The following GALNT2 variants were observed in gnomAD, a reference collection of about 807,000 sequenced individuals.
GALNT2 encodes UDP-GalNAc:polypeptide N-acetylgalactosaminyltransferase 2.
A neutral mutation model predicts 81.4 loss-of-function variants in GALNT2; 31 were observed. The ratio of observed to expected loss-of-function variants is 0.38; its 90% CI spans 0.29 to 0.51. The LOEUF (loss-of-function observed/expected upper bound fraction) is 0.51, where lower values mean the gene tolerates loss of function less well. Among genes scored for constraint, GALNT2 ranks in the 20% least tolerant of loss-of-function variants. The pLI, the probability that GALNT2 is intolerant of heterozygous loss-of-function variation, is 0.87. For missense variants in GALNT2, 629 were observed against 765.7 expected (o/e 0.82, Z 2.11); for synonymous variants, 303 against 287.4 (o/e 1.05, Z -0.55).
At chr1:230,134,868 T>A (rs1661487311) in intron 1 of GALNT2, among the ~76,000 whole-genome samples, 1 of 152,210 alleles carries the variant, frequency 6.6e-6, no homozygotes, top group Non-Finnish European at 1.5e-5. Context: ...CCAGTCTTGG[T>A]GCTACCACTT....
chr1:230,073,850 G>C (rs1240608440), intron 1 of GALNT2, among the ~76,000 whole-genome samples: 1 of 152,152 alleles, frequency 6.6e-6, no homozygotes, highest in African/African-American at 2.4e-5. Context: ...CAGCCTTCCA[G>C]GAGCTCCCCA....
intron 1 of GALNT2, among the ~76,000 whole-genome samples, chr1:230,083,038 G>A (rs1369671412): frequency 6.6e-6 from 1 of 151,870 alleles, no homozygotes; most frequent in Non-Finnish European, 1.5e-5. Context: ...GGATGATGGA[G>A]GAGGGAAGCT....
In GALNT2 at chr1:230,274,584, G is replaced by A. The variant is rs374194116; in HGVS notation, c.1560+20G>A. 3.3e-4 allele frequency: 535 copies of A among 1,612,800 alleles called. 4 individuals carry two copies. In the South Asian group the frequency reaches 3.4e-3, roughly 10 times the overall value. ...AGACAGGTACGGCTTGCAGGCACCC[G>A]TGGGTGCCCGTGATTAACCCAGACC... On this transcript the variant is annotated intron_variant, in intron 15 of 15. Transcript: ENST00000366672.
intron 3 of GALNT2, among the ~76,000 whole-genome samples, chr1:230,208,309 G>A (rs903579589): frequency 6.6e-6 from 1 of 152,164 alleles, no homozygotes; most frequent in African/African-American, 2.4e-5. Context: ...CTAATGGACT[G>A]GAGGGGGGTA....
At chr1:230,112,432 C>G (rs2102791274) in intron 1 of GALNT2, among the ~76,000 whole-genome samples, 1 of 151,820 alleles carries the variant, frequency 6.6e-6, no homozygotes, top group East Asian at 2.0e-4. Flanking sequence ...GTAGCTTGTT[C>G]CTGTTTTCAT....
chr1:230,205,678 G>C (rs912623955), intron 3 of GALNT2, among the ~76,000 whole-genome samples: 2 of 152,174 alleles, frequency 1.3e-5, no homozygotes, highest in African/African-American at 2.4e-5. Context: ...GGCCGAAGCT[G>C]TGTGCAAGAT....
chr1:230,088,722 A>G (rs1659970673), intron 1 of GALNT2, among the ~76,000 whole-genome samples: 1 of 151,974 alleles, frequency 6.6e-6, no homozygotes, highest in Non-Finnish European at 1.5e-5. Context: ...TAGTTTTAGT[A>G]CAGACGGGGT....
At position 230,271,845 on chromosome 1, in the gene GALNT2, A is replaced by T. The variant is rs1666169105; in HGVS notation, c.1441-2600A>T. Among the ~76,000 whole-genome samples the T allele has an allele frequency of 6.6e-6, 1 of 152,206 alleles. No homozygotes were observed. The highest frequency in any genetic ancestry group is 6.5e-5 in the Admixed American group (1 of 15,278). ...GTGCAAGGACTTTGACGGAGGCCTCATCACATGGGCATGATCTCCAGCTCC... is the reference window on the plus strand; with the variant it reads ...GTGCAAGGACTTTGACGGAGGCCTCTTCACATGGGCATGATCTCCAGCTCC... On this transcript the variant is annotated intron_variant, in intron 14 of 15. Coordinates refer to ENST00000366672, the MANE Select transcript of GALNT2 (RefSeq NM_004481.5). The surrounding 1 kb of genome is among the most constrained non-coding windows in gnomAD (Gnocchi z 4.2).
intron 2 of GALNT2, among the ~76,000 whole-genome samples, chr1:230,191,446 C>CT (rs1194677721): frequency 3.9e-5 from 6 of 152,166 alleles, no homozygotes; most frequent in Non-Finnish European, 7.3e-5. Flanking sequence ...AGGCTGAAGA[C>CT]TTTTTTTCTC....
chr1:230,189,192 C>G (rs982860456), intron 2 of GALNT2, among the ~76,000 whole-genome samples: 1 of 152,148 alleles, frequency 6.6e-6, no homozygotes, highest in Non-Finnish European at 1.5e-5. Context: ...CCTTAGTAAC[C>G]TTGTGTAAAG....
In GALNT2 at chr1:230,107,403, T is replaced by C. The variant is rs559191612; in HGVS notation, c.126+39997T>C. Among the ~76,000 whole-genome samples the C allele has an allele frequency of 2.3e-4, 35 of 152,186 alleles. 1 individual carries two copies. The highest frequency in any genetic ancestry group is 2.1e-3 in the Admixed American group (32 of 15,298). ...GCCTGGGCAACAGAGCAAGATCCTG[T>C]CTCTACAAAAACAGAACAAACCAAC... On this transcript the variant is annotated intron_variant, in intron 1 of 15. Coordinates refer to ENST00000366672, the MANE Select transcript of GALNT2 (RefSeq NM_004481.5).
intron 1 of GALNT2, among the ~76,000 whole-genome samples, chr1:230,089,151 C>CT (rs112182659): frequency 0.038 from 5,315 of 141,046 alleles, 152 homozygotes; most frequent in African/African-American, 0.072. Flanking sequence ...TTCTTTCTTT[C>CT]TTTTTTTTTT....
At chr1:230,058,791 C>A (rs771321624) in intron 1 of GALNT2, among the ~76,000 whole-genome samples, 1 of 152,094 alleles carries the variant, frequency 6.6e-6, no homozygotes, top group Non-Finnish European at 1.5e-5. Flanking sequence ...ACACTGTCCC[C>A]GGGGTGTGGG....
At position 230,202,525 on chromosome 1, in the gene GALNT2, G is replaced by A. The variant is rs377257885; in HGVS notation, c.221-612G>A. ...GAGAACAGGTATGATGTGTGTGTTA[G>A]GAATGGCCAGGCCCCTGCTGTGCAT... On this transcript the variant is annotated intron_variant, in intron 2 of 15. Coordinates refer to ENST00000366672, the MANE Select transcript of GALNT2 (RefSeq NM_004481.5). 6.4e-4 allele frequency among the ~76,000 whole-genome samples: 98 copies of A among 152,288 alleles called. 1 individual carries two copies. In the South Asian group the frequency reaches 0.02, roughly 31 times the overall value.
At chr1:230,167,982 A>G (rs1315688018) in intron 1 of GALNT2, among the ~76,000 whole-genome samples, 1 of 151,456 alleles carries the variant, frequency 6.6e-6, no homozygotes, top group Non-Finnish European at 1.5e-5. Context: ...TTTTTTGTAA[A>G]GAGACATTTT....
At chr1:230,067,460 G>A in intron 1 of GALNT2, 54 bp downstream of exon 1, 4 of 709,986 alleles carry the variant, frequency 5.6e-6, no homozygotes, top group Non-Finnish European at 7.5e-6. Context: ...CCCACCCTGC[G>A]CCCCTGTCCC....
At position 230,236,195 on chromosome 1, in the gene GALNT2, G is replaced by T; in HGVS notation, c.473+83G>T. ...GCACAGTCAGACCAGGGCTGTCAGT[G>T]GGGGCTGCAGACAGGGTCTCCTGAC... On this transcript the variant is annotated intron_variant, in intron 4 of 15. Coordinates refer to ENST00000366672, the MANE Select transcript of GALNT2 (RefSeq NM_004481.5). The T allele has an allele frequency of 3.5e-6, 5 of 1,445,152 alleles. No individual in the cohort carries two copies. The South Asian group carries it at 5.9e-5, about 17-fold the overall frequency. The allele number at this position is 1,445,152 out of a possible 1,614,324, so 89.5% of individuals were successfully genotyped here.
chr1:230,279,777 G>A lies in GALNT2; in HGVS notation c.*319G>A. The A allele has an allele frequency of 4.0e-6, 2 of 504,738 alleles. No individual in the cohort carries two copies. The highest frequency in any genetic ancestry group is 4.3e-4 in the Middle Eastern group (1 of 2,338). 31.3% of individuals were successfully genotyped at this position (504,738 alleles called of 1,614,324 possible). A position where few individuals can be genotyped will look rare whatever the true frequency, so the allele number is the denominator to read the frequency against. ...ACACCCAGCGACAACCGACTGGGGA[G>A]TGGTAGAAGCAACTGAACGGATGCG... On this transcript the variant is annotated 3_prime_UTR_variant, in exon 16 of 16. Coordinates refer to ENST00000366672, the MANE Select transcript of GALNT2 (RefSeq NM_004481.5). The surrounding 1 kb of genome is among the most constrained non-coding windows in gnomAD (Gnocchi z 4.6).
Position 230,260,726 on chromosome 1 carries a change from T to C in GALNT2, c.1137-1847T>C, listed in dbSNP as rs528494257. ...TTAGTGGCTCTTCTGAGAAATGATA[T>C]GTATGATCCAGTATCCCCCAGCACT... On this transcript the variant is annotated intron_variant, in intron 11 of 15. Transcript: ENST00000366672. Among the ~76,000 whole-genome samples the C allele has an allele frequency of 6.6e-5, 10 of 152,232 alleles. No homozygotes were observed. In the South Asian group the frequency reaches 1.4e-3, roughly 22 times the overall value.
Sources: allele counts gnomAD v4.1 joint callset (sites outside exome capture counted in the v4.1 genomes callset), GRCh38; gene constraint gnomAD v4.1.1; non-coding constraint Gnocchi (gnomAD v3.1); transcripts MANE v1.5; gene names NCBI Gene and HGNC (gene_info 2026-07-23, HGNC 2026-07-21).